CACNA2D3: variants seen among roughly 807,000 people sequenced by gnomAD.
CACNA2D3 encodes calcium voltage-gated channel auxiliary subunit alpha2delta 3.
In CACNA2D3, 60 loss-of-function variants were observed where a neutral mutation model predicts 160.6. That is an observed-to-expected ratio of 0.37 (90% CI 0.30 to 0.46). The LOEUF is 0.46. Ranked by LOEUF, CACNA2D3 falls within the 20% of genes least tolerant of loss-of-function variation. The pLI, the probability that CACNA2D3 is intolerant of heterozygous loss-of-function variation, is 1.00. For missense variants in CACNA2D3, 1,205 were observed against 1,365.0 expected (o/e 0.88, Z 1.85); for synonymous variants, 558 against 492.9 (o/e 1.13, Z -1.75).
intron 27 of CACNA2D3, among the ~76,000 whole-genome samples, chr3:54,913,945 A>T (rs1045425570): frequency 1.7e-4 from 26 of 152,152 alleles, no homozygotes; most frequent in African/African-American, 5.6e-4. Context: ...CATGGCACGA[A>T]ATTGGGTGCT....
chr3:55,059,566 A>G (rs2107218606), intron 35 of CACNA2D3, among the ~76,000 whole-genome samples: 1 of 151,924 alleles, frequency 6.6e-6, no homozygotes, highest in South Asian at 2.1e-4. Context: ...GGTGGCAACT[A>G]AGGTTGTGTG....
chr3:54,890,740 G>T (rs1436166488), intron 24 of CACNA2D3, among the ~76,000 whole-genome samples: 1 of 152,178 alleles, frequency 6.6e-6, no homozygotes, highest in Non-Finnish European at 1.5e-5. Context: ...ATTGGAAGAA[G>T]CCATTTCTTT....
chr3:54,987,591 T>G (rs1193065746), intron 30 of CACNA2D3, 92 bp from the exon 31 acceptor site: 1 of 786,630 alleles, frequency 1.3e-6, no homozygotes, highest in African/African-American at 1.7e-5. Context: ...TCCTGTCAGT[T>G]CCAGGACACA....
At chr3:54,773,791 CAG>C (rs1702364726) in intron 13 of CACNA2D3, among the ~76,000 whole-genome samples, 1 of 152,056 alleles carries the variant, frequency 6.6e-6, no homozygotes, top group East Asian at 1.9e-4. Context: ...TTCTATTAAA[CAG>C]AGTTGGTATT....
intron 27 of CACNA2D3, among the ~76,000 whole-genome samples, chr3:54,951,457 G>A (rs1394560179): frequency 6.6e-6 from 1 of 152,222 alleles, no homozygotes; most frequent in Admixed American, 6.5e-5. Flanking sequence ...TCTTTGGTGT[G>A]CGGCCCGGGG....
At chr3:54,205,705 A>G (rs575128568) in intron 2 of CACNA2D3, among the ~76,000 whole-genome samples, 4 of 152,302 alleles carry the variant, frequency 2.6e-5, no homozygotes, top group Admixed American at 6.5e-5. Flanking sequence ...GGTAAAGAGC[A>G]AAAAGAGTTG....
At chr3:54,303,993 T>C (rs761092185) in intron 2 of CACNA2D3, among the ~76,000 whole-genome samples, 6 of 152,042 alleles carry the variant, frequency 3.9e-5, no homozygotes, top group Admixed American at 6.6e-5. Context: ...TTGTGTTATA[T>C]GCATTCAGTA....
At chr3:54,581,223 G>T (rs1702671811) in intron 8 of CACNA2D3, among the ~76,000 whole-genome samples, 1 of 152,142 alleles carries the variant, frequency 6.6e-6, no homozygotes, top group Non-Finnish European at 1.5e-5. Context: ...AAAAAGTGTG[G>T]GGGGGTCCTA....
intron 4 of CACNA2D3, among the ~76,000 whole-genome samples, chr3:54,429,492 G>A (rs561900282): frequency 2.7e-4 from 41 of 152,154 alleles, no homozygotes; most frequent in African/African-American, 8.9e-4. Context: ...TGTGAATTTC[G>A]GCTAGATCCT....
intron 11 of CACNA2D3, among the ~76,000 whole-genome samples, chr3:54,727,985 T>C (rs1338402936): frequency 1.3e-5 from 2 of 151,364 alleles, no homozygotes; most frequent in East Asian, 3.9e-4. Context: ...TTATTGCTTT[T>C]TAGTATGTTT....
intron 11 of CACNA2D3, among the ~76,000 whole-genome samples, chr3:54,693,986 A>G (rs1241895788): frequency 1.3e-5 from 2 of 152,174 alleles, no homozygotes; most frequent in Non-Finnish European, 2.9e-5. Context: ...ATACATTTTA[A>G]AAAATAAATT....
chr3:54,343,731 C>T (rs1184790636), intron 3 of CACNA2D3, among the ~76,000 whole-genome samples: 1 of 152,180 alleles, frequency 6.6e-6, no homozygotes, highest in Non-Finnish European at 1.5e-5. Context: ...TTTAAACCCT[C>T]TACCCCCCAC....
chr3:54,730,889 C>G (rs775050447), intron 11 of CACNA2D3, among the ~76,000 whole-genome samples: 1 of 152,184 alleles, frequency 6.6e-6, no homozygotes, highest in Non-Finnish European at 1.5e-5. Flanking sequence ...ATTACCGAAA[C>G]AAAATTAATT....
chr3:54,636,547 A>T (rs952444644), intron 10 of CACNA2D3, among the ~76,000 whole-genome samples: 1 of 152,010 alleles, frequency 6.6e-6, no homozygotes, highest in Non-Finnish European at 1.5e-5. Flanking sequence ...AGGGCCTCTA[A>T]AAGTATTAAA....
At chr3:54,983,394 A>G (rs962989356) in intron 29 of CACNA2D3, among the ~76,000 whole-genome samples, 2 of 152,200 alleles carry the variant, frequency 1.3e-5, no homozygotes, top group African/African-American at 4.8e-5. Context: ...TGCTTCCATG[A>G]TGCTATCTCC....
intron 4 of CACNA2D3, among the ~76,000 whole-genome samples, chr3:54,417,795 TGGGG>T (rs71616810): frequency 1.5e-5 from 1 of 68,064 alleles, no homozygotes; most frequent in Non-Finnish European, 3.3e-5. Flanking sequence ...TCTGTGTGTG[TGGGG>T]GGGGGGGTGG....
chr3:54,429,199 G>T (rs940872451), intron 4 of CACNA2D3, among the ~76,000 whole-genome samples: 2 of 152,118 alleles, frequency 1.3e-5, no homozygotes, highest in Admixed American at 6.5e-5. Context: ...CCAGAGCATG[G>T]CTAATATGGG....
intron 14 of CACNA2D3, among the ~76,000 whole-genome samples, chr3:54,824,560 C>G (rs777528590): frequency 3.9e-5 from 6 of 152,194 alleles, no homozygotes; most frequent in African/African-American, 4.8e-5. Context: ...AGGAGCCCAT[C>G]GCTCTTAAGA....
intron 27 of CACNA2D3, chr3:54,918,630 G>A (rs1700736740): frequency 6.2e-7 from 1 of 1,614,068 alleles, no homozygotes; most frequent in Non-Finnish European, 8.5e-7. Context: ...CAGTGATGAT[G>A]ACAGTGGCAA....
Sources: gnomAD v4.1 joint callset for allele counts (sites outside exome capture counted in the v4.1 genomes callset) on GRCh38, gnomAD v4.1.1 for gene constraint, MANE v1.5 for transcripts, NCBI Gene and HGNC (gene_info 2026-07-23, HGNC 2026-07-21) for gene names.